Variants in SAMD12 observed in about 807,000 individuals in gnomAD.
The protein encoded by SAMD12 is sterile alpha motif domain-containing protein 12.
A neutral mutation model predicts 15.0 loss-of-function variants in SAMD12; 9 were observed. That is an observed-to-expected ratio of 0.60 (90% CI 0.36 to 1.05). SAMD12 has a LOEUF of 1.05. Among genes scored for constraint, SAMD12 ranks in the 50% least tolerant of loss-of-function variants. SAMD12 has a pLI of 0.01. For missense variants in SAMD12, 230 were observed against 234.2 expected, an observed-to-expected ratio of 0.98 and a Z score of 0.12; for synonymous variants, 86 against 90.1, an observed-to-expected ratio of 0.96 and a Z score of 0.25.
At chr8:118,528,473 G>A (rs1825593949) in intron 2 of SAMD12, among the ~76,000 whole-genome samples, 1 of 152,174 alleles carries the variant, frequency 6.6e-6, no homozygotes, top group African/African-American at 2.4e-5. Context: ...TTTTTAAATG[G>A]TAAACCTTTA....
At chr8:118,240,760 T>TC in intron 4 of SAMD12, among the ~76,000 whole-genome samples, 1 of 112,314 alleles carries the variant, frequency 8.9e-6, no homozygotes, top group East Asian at 1.5e-3. Flanking sequence ...GCAAAAGGAA[T>TC]TTTTTTACGA....
chr8:118,569,999 A>C (rs1464609879), intron 2 of SAMD12, among the ~76,000 whole-genome samples: 2 of 152,212 alleles, frequency 1.3e-5, no homozygotes, highest in Admixed American at 6.5e-5. Context: ...GGAGTTCCTA[A>C]TCACTTAAAG....
intron 4 of SAMD12, among the ~76,000 whole-genome samples, chr8:118,350,382 G>A (rs1009457958): frequency 6.6e-6 from 1 of 152,166 alleles, no homozygotes; most frequent in Non-Finnish European, 1.5e-5. Context: ...TGATAGCAAT[G>A]TTAACTAAAT....
chr8:118,594,175 T>C (rs1827658740), intron 1 of SAMD12, among the ~76,000 whole-genome samples: 1 of 151,666 alleles, frequency 6.6e-6, no homozygotes, highest in African/African-American at 2.4e-5. Context: ...GGCTCCCAAA[T>C]GTCTTCCTAA....
intron 3 of SAMD12, among the ~76,000 whole-genome samples, chr8:118,381,259 A>C (rs1265191757): frequency 1.3e-5 from 2 of 152,166 alleles, no homozygotes; most frequent in Non-Finnish European, 2.9e-5. Flanking sequence ...ATTCAGTGGA[A>C]CCTGCATTTG....
chr8:118,584,335 T>G lies in SAMD12; in HGVS notation c.14-3442A>C, dbSNP rs1347961096. Among the ~76,000 whole-genome samples the G allele has an allele frequency of 2.6e-5, 4 of 152,224 alleles. No individual in the cohort carries two copies. In the East Asian group the frequency reaches 7.7e-4, roughly 29 times the overall value. On this transcript the variant is annotated intron_variant, in intron 1 of 3. Transcript: ENST00000314727. ...ACAACTCTCCAATGGCCTCTTACAATGCATGACCTCCATCTCTTTGCTTGT... is the reference window on the plus strand; with the variant it reads ...ACAACTCTCCAATGGCCTCTTACAAGGCATGACCTCCATCTCTTTGCTTGT...
chr8:118,192,803 G>C (rs1819446290), exon 5 of SAMD12: 1 of 152,114 alleles, frequency 6.6e-6, no homozygotes, highest in South Asian at 2.1e-4. Flanking sequence ...TTCAACACAA[G>C]TCATATGTTT....
the SAMD12 span, among the ~76,000 whole-genome samples, chr8:118,164,692 ATT>A: frequency 3.3e-5 from 5 of 149,254 alleles, no homozygotes; most frequent in African/African-American, 4.9e-5. Flanking sequence ...GCTATAGGCA[ATT>A]TTTTTTTTTA....
intron 2 of SAMD12, among the ~76,000 whole-genome samples, chr8:118,527,251 T>C (rs1825559096): frequency 6.6e-6 from 1 of 152,210 alleles, no homozygotes; most frequent in Non-Finnish European, 1.5e-5. Context: ...AAAGCTTTCT[T>C]TCAAAATGCA....
intron 2 of SAMD12, among the ~76,000 whole-genome samples, chr8:118,463,763 A>C (rs989805332): frequency 1.3e-5 from 2 of 152,012 alleles, no homozygotes; most frequent in Admixed American, 1.3e-4. Context: ...CCTGGGTGGA[A>C]CCTTTAAATG....
intron 4 of SAMD12, among the ~76,000 whole-genome samples, chr8:118,305,337 C>T (rs1032148052): frequency 2.0e-5 from 3 of 152,054 alleles, no homozygotes; most frequent in Admixed American, 6.6e-5. Flanking sequence ...TTCTACCTTC[C>T]ATTTCCATCA....
At chr8:118,447,691 T>A (rs1202866204) in intron 2 of SAMD12, among the ~76,000 whole-genome samples, 2 of 137,028 alleles carry the variant, frequency 1.5e-5, no homozygotes, top group African/African-American at 6.3e-5. Context: ...TATTTTTTTA[T>A]TTTTTATTTT....
intron 4 of SAMD12, among the ~76,000 whole-genome samples, chr8:118,259,478 A>G (rs1043929716): frequency 2.0e-5 from 3 of 152,056 alleles, no homozygotes; most frequent in African/African-American, 7.2e-5. Context: ...GGTCCTCATA[A>G]CAAAGAAGTC....
intron 4 of SAMD12, among the ~76,000 whole-genome samples, chr8:118,301,983 G>A (rs1027529556): frequency 4.0e-5 from 6 of 151,496 alleles, no homozygotes; most frequent in South Asian, 4.2e-4. Context: ...TAGAAAGCTC[G>A]GGCTAGGGAC....
intron 1 of SAMD12, among the ~76,000 whole-genome samples, chr8:118,606,605 AAC>A (rs1358974788): frequency 6.7e-6 from 1 of 150,184 alleles, no homozygotes; most frequent in African/African-American, 2.5e-5. Context: ...AAGAAAAAAA[AAC>A]ATCCCTGGCC....
chr8:118,489,022 T>C (rs1230120231), intron 2 of SAMD12, among the ~76,000 whole-genome samples: 2 of 152,236 alleles, frequency 1.3e-5, no homozygotes, highest in South Asian at 2.1e-4. Context: ...AACCCTGGTA[T>C]TGACATTTGT....
At chr8:118,331,828 C>A (rs912461270) in intron 4 of SAMD12, among the ~76,000 whole-genome samples, 1 of 152,130 alleles carries the variant, frequency 6.6e-6, no homozygotes, top group African/African-American at 2.4e-5. Flanking sequence ...AGGTGGTATT[C>A]GTGGGAAGCT....
At chr8:118,151,241 A>C in the SAMD12 span, among the ~76,000 whole-genome samples, 7 of 152,134 alleles carry the variant, frequency 4.6e-5, no homozygotes, top group Admixed American at 1.3e-4. Context: ...CATTGGTTAA[A>C]ATGTACCATT....
chr8:118,383,759 T>A (rs1215241215), intron 3 of SAMD12, among the ~76,000 whole-genome samples: 1 of 152,152 alleles, frequency 6.6e-6, no homozygotes, highest in Non-Finnish European at 1.5e-5. Flanking sequence ...AAGCTTAAAG[T>A]TTTTCACACT....
Sources: allele counts gnomAD v4.1 joint callset (sites outside exome capture counted in the v4.1 genomes callset), GRCh38; gene constraint gnomAD v4.1.1; transcripts MANE v1.5; gene names NCBI Gene and HGNC (gene_info 2026-07-23, HGNC 2026-07-21).